The following GRIK2 variants were observed in gnomAD, a reference collection of about 807,000 sequenced individuals.
The protein encoded by GRIK2 is glutamate ionotropic receptor kainate type subunit 2.
GRIK2 carries 32 observed loss-of-function variants against 100.3 expected under a neutral mutation model. The observed-to-expected ratio is 0.32, with a 90% CI of 0.24 to 0.43. The LOEUF (loss-of-function observed/expected upper bound fraction) is 0.43. GRIK2 is among the 20% of genes least tolerant of loss of function. The pLI, the probability that GRIK2 is intolerant of heterozygous loss-of-function variation, is 1.00. For synonymous variants in GRIK2, 417 were observed against 389.4 expected (o/e 1.07, Z -0.83); for missense variants, 843 against 1,114.9 (o/e 0.76, Z 3.47).
intron 2 of GRIK2, among the ~76,000 whole-genome samples, chr6:101,467,460 G>C (rs530378473): frequency 1.6e-4 from 25 of 152,160 alleles, no homozygotes; most frequent in Admixed American, 5.2e-4. Flanking sequence ...GTTTGGATCT[G>C]AGACAAAGTT....
At chr6:101,431,023 G>A (rs928105733) in intron 2 of GRIK2, 9 of 254,296 alleles carry the variant, frequency 3.5e-5, no homozygotes, top group African/African-American at 1.6e-4. Flanking sequence ...TAGTACTACC[G>A]GAGGTGTACA....
chr6:101,715,164 G>C (rs547774939), intron 7 of GRIK2, among the ~76,000 whole-genome samples: 1 of 151,750 alleles, frequency 6.6e-6, no homozygotes, highest in Non-Finnish European at 1.5e-5. Flanking sequence ...TTTAAGTTCA[G>C]AAACGTCATT....
intron 2 of GRIK2, among the ~76,000 whole-genome samples, chr6:101,423,095 A>G (rs962838694): frequency 1.3e-5 from 2 of 152,224 alleles, no homozygotes; most frequent in Non-Finnish European, 2.9e-5. Context: ...AATGACCAAT[A>G]TAGAGACACC....
chr6:101,398,833 T>C, intron 1 of GRIK2, 152 bp from the exon 2 acceptor site: 1 of 393,718 alleles, frequency 2.5e-6, no homozygotes, highest in Non-Finnish European at 4.5e-6. Context: ...TGGCTTCACG[T>C]CAGAAGCTGT....
At chr6:102,038,689 A>C (rs554000398) in intron 15 of GRIK2, among the ~76,000 whole-genome samples, 1 of 146,884 alleles carries the variant, frequency 6.8e-6, no homozygotes, top group Non-Finnish European at 1.5e-5. Flanking sequence ...GGTGTGAAAA[A>C]TATTCCTTGA....
At chr6:101,585,540 A>G (rs182056929) in intron 2 of GRIK2, among the ~76,000 whole-genome samples, 3 of 152,214 alleles carry the variant, frequency 2.0e-5, no homozygotes, top group African/African-American at 7.2e-5. Context: ...AGGTAGCACA[A>G]CATAATGAGG....
chr6:101,612,028 A>G (rs1471570337), intron 2 of GRIK2, among the ~76,000 whole-genome samples: 1 of 151,876 alleles, frequency 6.6e-6, no homozygotes, highest in Non-Finnish European at 1.5e-5. Context: ...AGTTGAGGAT[A>G]AAGAGTGGCA....
intron 2 of GRIK2, among the ~76,000 whole-genome samples, chr6:101,601,107 C>A (rs1407919713): frequency 7.8e-6 from 1 of 128,744 alleles, no homozygotes; most frequent in African/African-American, 3.1e-5. Context: ...TCCTCTGATG[C>A]CTAGTTTGTT....
At chr6:101,568,619 G>T (rs1777391366) in intron 2 of GRIK2, among the ~76,000 whole-genome samples, 1 of 152,046 alleles carries the variant, frequency 6.6e-6, no homozygotes, top group Non-Finnish European at 1.5e-5. Flanking sequence ...AGATGTAAAT[G>T]ATGCTACTAA....
In GRIK2 at chr6:101,445,917, T is replaced by A. The variant is rs1000506146; in HGVS notation, c.115+46525T>A. ...AAATACTTAGTGAGATAATGTGTGTTAAAATACAGTTTTACATCTATAAGG... is the reference window on the plus strand; with the variant it reads ...AAATACTTAGTGAGATAATGTGTGTAAAAATACAGTTTTACATCTATAAGG... On this transcript the variant is annotated intron_variant, in intron 2 of 16. Coordinates refer to ENST00000369134, the MANE Select transcript of GRIK2 (RefSeq NM_021956.5). Among the ~76,000 whole-genome samples, 14 of 152,212 alleles carry A rather than the reference T, an allele frequency of 9.2e-5. 1 individual carries two copies. The highest frequency in any genetic ancestry group is 3.9e-4 in the Admixed American group (6 of 15,238).
chr6:101,722,235 TTACTTA>T (rs2128366014), intron 7 of GRIK2, among the ~76,000 whole-genome samples: 1 of 152,102 alleles, frequency 6.6e-6, no homozygotes, highest in East Asian at 1.9e-4. Context: ...ATTTTATTGG[TTACTTA>T]TACCAGGAGT....
chr6:101,644,208 T>A (rs1781414802), intron 4 of GRIK2, among the ~76,000 whole-genome samples: 1 of 151,834 alleles, frequency 6.6e-6, no homozygotes, highest in African/African-American at 2.4e-5. Flanking sequence ...GAGAGTTATA[T>A]AAAAGTGTTA....
chr6:101,542,559 G>A (rs892471799), intron 2 of GRIK2, among the ~76,000 whole-genome samples: 23 of 151,986 alleles, frequency 1.5e-4, no homozygotes, highest in African/African-American at 5.3e-4. Flanking sequence ...AATTGCATCA[G>A]CAAATATGCA....
At chr6:101,461,438 A>C (rs1771301961) in intron 2 of GRIK2, among the ~76,000 whole-genome samples, 1 of 152,202 alleles carries the variant, frequency 6.6e-6, no homozygotes, top group Admixed American at 6.5e-5. Context: ...CCAAGGTTCT[A>C]GATGCCACCA....
intron 14 of GRIK2, among the ~76,000 whole-genome samples, chr6:101,951,135 C>A (rs747743882): frequency 6.6e-6 from 1 of 152,088 alleles, no homozygotes; most frequent in Non-Finnish European, 1.5e-5. Flanking sequence ...GTGCAGTCAT[C>A]CAAACACCTT....
In GRIK2 at chr6:101,859,487, T is replaced by A; in HGVS notation, c.1518T>A (p.Ile506=). ...GGAATGGAATGGTTCGTGAACTAATTGATCATGTAAGTCCCTTCCCTCATG... is the reference window on the plus strand; with the variant it reads ...GGAATGGAATGGTTCGTGAACTAATAGATCATGTAAGTCCCTTCCCTCATG... ...GQWNGMVREL[I]DHKADLAVAP... is the part of the protein sequence containing the mutation. The change falls in exon 11 of 17, where the codon ATT becomes ATA. Residue 506 remains isoleucine (I), a synonymous_variant. Coordinates refer to ENST00000369134, the MANE Select transcript of GRIK2 (RefSeq NM_021956.5). The A allele has an allele frequency of 5.1e-6, 8 of 1,571,594 alleles. No individual in the cohort carries two copies. Among genetic ancestry groups the A allele is most frequent in the Non-Finnish European group, 7.0e-6 (8 of 1,143,790 alleles).
chr6:102,052,647 T>C (rs956656248), intron 15 of GRIK2, among the ~76,000 whole-genome samples: 9 of 152,176 alleles, frequency 5.9e-5, no homozygotes, highest in African/African-American at 2.2e-4. Context: ...TTGGCAATAA[T>C]ATTATATTCT....
In GRIK2 at chr6:101,914,303, T is replaced by C. The variant is rs538208466; in HGVS notation, c.1749-10298T>C. Among the ~76,000 whole-genome samples, 5 of 151,520 alleles carry C rather than the reference T, an allele frequency of 3.3e-5. No homozygotes were observed. In the East Asian group the frequency reaches 7.8e-4, roughly 24 times the overall value. On this transcript the variant is annotated intron_variant, in intron 12 of 16. Coordinates refer to ENST00000369134, the MANE Select transcript of GRIK2 (RefSeq NM_021956.5). Reference sequence around the variant, plus strand: ...ATATAGACAGGTTGTCAGTTTGGTATGGAGAGCATGATCAATTTGATATTG... The same window carrying C: ...ATATAGACAGGTTGTCAGTTTGGTACGGAGAGCATGATCAATTTGATATTG...
chr6:101,754,003 G>C (rs1341772017), intron 7 of GRIK2, among the ~76,000 whole-genome samples: 1 of 151,928 alleles, frequency 6.6e-6, no homozygotes. Context: ...TTAGCTATGG[G>C]ATGAAGTATA....
Sources: allele counts gnomAD v4.1 joint callset (sites outside exome capture counted in the v4.1 genomes callset), GRCh38; gene constraint gnomAD v4.1.1; transcripts MANE v1.5; gene names NCBI Gene and HGNC (gene_info 2026-07-23, HGNC 2026-07-21).